Variants in ZNF423 observed in about 807,000 individuals in gnomAD.
The protein encoded by ZNF423 is Ebf-associated zinc finger protein.
In ZNF423, 12 loss-of-function variants were observed where a neutral mutation model predicts 95.8. The observed-to-expected ratio is 0.13, with a 90% CI of 0.08 to 0.20. The LOEUF (loss-of-function observed/expected upper bound fraction) is 0.20. Among genes scored for constraint, ZNF423 ranks in the 10% least tolerant of loss-of-function variants. The probability of loss-of-function intolerance (pLI) is 1.00; values close to 1 mark genes in which losing one functional copy is unlikely to be tolerated. For missense variants in ZNF423, 1,316 were observed against 1,737.1 expected (o/e 0.76, Z 4.31); for synonymous variants, 749 against 711.9 (o/e 1.05, Z -0.83).
intron 1 of ZNF423, among the ~76,000 whole-genome samples, chr16:49,845,035 CAAAAAAAAAAAAAAAAA>C (rs71138011): frequency 2.2e-4 from 14 of 63,518 alleles, no homozygotes; most frequent in Admixed American, 1.4e-3. Flanking sequence ...AACTCCATCT[CAAAAAAAAAAAAAAAAA>C]AAAAAAAAAA....
chr16:49,541,735 T>C (rs1969255940), intron 5 of ZNF423, among the ~76,000 whole-genome samples: 1 of 152,190 alleles, frequency 6.6e-6, no homozygotes, highest in Admixed American at 6.5e-5. Context: ...CCCCCCATGC[T>C]GTTCTCATGA....
intron 5 of ZNF423, among the ~76,000 whole-genome samples, chr16:49,606,643 A>C (rs957888607): frequency 1.3e-5 from 2 of 152,204 alleles, no homozygotes; most frequent in African/African-American, 2.4e-5. Flanking sequence ...TAGGAAGCAC[A>C]TGAATGTTTT....
At chr16:49,584,157 G>A (rs1270985277) in intron 5 of ZNF423, among the ~76,000 whole-genome samples, 1 of 152,188 alleles carries the variant, frequency 6.6e-6, no homozygotes, top group Non-Finnish European at 1.5e-5. Context: ...ATGAAAATGA[G>A]AGTTATAGCT....
intron 2 of ZNF423, among the ~76,000 whole-genome samples, chr16:49,771,192 C>CTTTTTTTTTTTTTTTTTT (rs71380376): frequency 4.5e-5 from 4 of 89,436 alleles, no homozygotes; most frequent in East Asian, 3.7e-4. Flanking sequence ...TTTTTTTTTT[C>CTTTTTTTTTTTTTTTTTT]TTTTTTTTTT....
At chr16:49,502,064 C>A (rs1967425268) in intron 7 of ZNF423, among the ~76,000 whole-genome samples, 1 of 152,172 alleles carries the variant, frequency 6.6e-6, no homozygotes, top group Non-Finnish European at 1.5e-5. Context: ...TAAAATAAAT[C>A]CATAAACTTT....
chr16:49,512,063 A>G (rs761381702), intron 7 of ZNF423, among the ~76,000 whole-genome samples: 3 of 152,196 alleles, frequency 2.0e-5, no homozygotes, highest in Non-Finnish European at 4.4e-5. Context: ...ATATTACATC[A>G]CATTATATTA....
chr16:49,618,411 T>A (rs1971949358), intron 5 of ZNF423, among the ~76,000 whole-genome samples: 1 of 152,136 alleles, frequency 6.6e-6, no homozygotes, highest in African/African-American at 2.4e-5. Flanking sequence ...AGACCTGTAA[T>A]CCCCACGTGT....
At position 49,576,830 on chromosome 16, in the gene ZNF423, C is replaced by T. The variant is rs182096688; in HGVS notation, c.3601+49340G>A. ...GATACTGTATGATAAGGAATAGATG[C>T]GCATATATTCTTTATTATATGTAGT... On this transcript the variant is annotated intron_variant, in intron 5 of 7. Coordinates refer to ENST00000563137, the MANE Select transcript of ZNF423 (RefSeq NM_001379286.1). Among the ~76,000 whole-genome samples, 6 of 152,282 alleles carry T rather than the reference C, an allele frequency of 3.9e-5. No individual in the cohort carries two copies. The East Asian group carries it at 5.8e-4, about 15-fold the overall frequency.
At chr16:49,680,983 G>C (rs912125257) in intron 3 of ZNF423, among the ~76,000 whole-genome samples, 25 of 152,318 alleles carry the variant, frequency 1.6e-4, no homozygotes, top group African/African-American at 6.0e-4. Flanking sequence ...GAGCCACCAT[G>C]CCCAGCCAAG....
intron 2 of ZNF423, among the ~76,000 whole-genome samples, chr16:49,733,233 G>A (rs958163781): frequency 5.3e-5 from 8 of 152,026 alleles, no homozygotes; most frequent in Non-Finnish European, 1.2e-4. Context: ...ATGTTCTGTA[G>A]AAAGGGAAAA....
intron 1 of ZNF423, among the ~76,000 whole-genome samples, chr16:49,835,968 G>A (rs1352726659): frequency 1.3e-5 from 2 of 152,180 alleles, no homozygotes; most frequent in African/African-American, 2.4e-5. Flanking sequence ...CAGTTTGGGT[G>A]GAGACAGAGA....
intron 3 of ZNF423, among the ~76,000 whole-genome samples, chr16:49,698,333 G>T (rs1435292460): frequency 6.6e-6 from 1 of 151,520 alleles, no homozygotes; most frequent in Non-Finnish European, 1.5e-5. Context: ...TGGGCTCTAA[G>T]AATGCCAGGG....
intron 1 of ZNF423, among the ~76,000 whole-genome samples, chr16:49,843,939 AT>A (rs2035217280): frequency 6.6e-6 from 1 of 152,188 alleles, no homozygotes; most frequent in Non-Finnish European, 1.5e-5. Flanking sequence ...CATGGCAATG[AT>A]GTAGCAGGAT....
intron 1 of ZNF423, among the ~76,000 whole-genome samples, chr16:49,792,658 C>A (rs943494482): frequency 3.3e-5 from 5 of 152,336 alleles, no homozygotes; most frequent in African/African-American, 1.2e-4. Flanking sequence ...CTCACATGCC[C>A]TCCTCTAGCC....
chr16:49,743,709 C>G (rs2143512472), intron 2 of ZNF423, among the ~76,000 whole-genome samples: 1 of 152,140 alleles, frequency 6.6e-6, no homozygotes, highest in South Asian at 2.1e-4. Context: ...CAAAAGCCAG[C>G]AGCTCCCTTC....
At chr16:49,843,393 G>A (rs974691100) in intron 1 of ZNF423, among the ~76,000 whole-genome samples, 13 of 151,816 alleles carry the variant, frequency 8.6e-5, no homozygotes, top group African/African-American at 3.2e-4. Flanking sequence ...CCTAACCCTG[G>A]CTGCACATTC....
chr16:49,719,724 C>A (rs1256705485), intron 3 of ZNF423, among the ~76,000 whole-genome samples: 6 of 152,180 alleles, frequency 3.9e-5, no homozygotes, highest in African/African-American at 1.2e-4. Flanking sequence ...CCGCCATGAT[C>A]GTAAGTTTCC....
chr16:49,651,406 G>A (rs1216182973), intron 3 of ZNF423, among the ~76,000 whole-genome samples: 1 of 152,128 alleles, frequency 6.6e-6, no homozygotes, highest in Admixed American at 6.5e-5. Flanking sequence ...GAGCTCAGCT[G>A]GGGCTTCTTG....
At chr16:49,673,884 A>G (rs548419603) in intron 3 of ZNF423, among the ~76,000 whole-genome samples, 1 of 152,222 alleles carries the variant, frequency 6.6e-6, no homozygotes, top group Non-Finnish European at 1.5e-5. Context: ...AAGGTAAGAC[A>G]GTCCATGGTG....
Sources: gnomAD v4.1 joint callset for allele counts (sites outside exome capture counted in the v4.1 genomes callset) on GRCh38, gnomAD v4.1.1 for gene constraint, MANE v1.5 for transcripts, NCBI Gene and HGNC (gene_info 2026-07-23, HGNC 2026-07-21) for gene names.